The following HTRA3 variants were observed in gnomAD, a reference collection of about 807,000 sequenced individuals.
HTRA3 encodes the protein serine protease HTRA3.
In HTRA3, 41 loss-of-function variants were observed where a neutral mutation model predicts 43.2. That is an observed-to-expected ratio of 0.95 (90% CI 0.74 to 1.23). HTRA3 has a LOEUF of 1.23. Ranked by LOEUF, HTRA3 falls within the 50% of genes most tolerant of loss-of-function variation. The probability of loss-of-function intolerance (pLI) is 0.00; values close to 1 mark genes in which losing one functional copy is unlikely to be tolerated. For missense variants in HTRA3, 628 were observed against 647.1 expected (o/e 0.97, Z 0.32); for synonymous variants, 295 against 287.9 (o/e 1.02, Z -0.25).
In HTRA3 at chr4:8,276,706, G is replaced by A. The variant is rs114073205; in HGVS notation, c.386-5731G>A. On this transcript the variant is annotated intron_variant, in intron 1 of 8. Coordinates refer to ENST00000307358, the MANE Select transcript of HTRA3 (RefSeq NM_053044.5). ...GGGGCTGGCTGTGGCCCAGCTGGGT[G>A]TGGAGTTTCACAGCCAGAGGAGCCA... Among the ~76,000 whole-genome samples the A allele has an allele frequency of 9.1e-3, 1,393 of 152,358 alleles. 20 individuals are homozygous for A. The highest frequency in any genetic ancestry group is 0.032 in the African/African-American group (1,317 of 41,578).
chr4:8,282,138 C>A (rs1712772790), intron 1 of HTRA3, among the ~76,000 whole-genome samples: 1 of 152,232 alleles, frequency 6.6e-6, no homozygotes, highest in Non-Finnish European at 1.5e-5. Flanking sequence ...AATATCCTAA[C>A]CTCTCTCTGA....
At chr4:8,275,934 G>A (rs1374753641) in intron 1 of HTRA3, among the ~76,000 whole-genome samples, 1 of 152,240 alleles carries the variant, frequency 6.6e-6, no homozygotes, top group Non-Finnish European at 1.5e-5. Context: ...AGCTCGAAGT[G>A]TCTGCCTTGT....
intron 5 of HTRA3, among the ~76,000 whole-genome samples, chr4:8,293,878 A>T (rs528409601): frequency 6.6e-6 from 1 of 151,942 alleles, no homozygotes; most frequent in South Asian, 2.1e-4. Flanking sequence ...CTCTCCAGGG[A>T]TGGGGAAGGG....
At position 8,306,236 on chromosome 4, in the gene HTRA3, G is replaced by T; in HGVS notation, c.*100G>T. 2 of 1,289,032 alleles carry T rather than the reference G, an allele frequency of 1.6e-6. No homozygotes were observed. Among genetic ancestry groups the T allele is most frequent in the Non-Finnish European group, 2.1e-6 (2 of 961,644 alleles). 79.8% of individuals were successfully genotyped at this position (1,289,032 alleles called of 1,614,324 possible). On this transcript the variant is annotated 3_prime_UTR_variant, in exon 9 of 9. Coordinates refer to ENST00000307358, the MANE Select transcript of HTRA3 (RefSeq NM_053044.5). This position sits in a 1 kb window ranked among gnomAD's most constrained non-coding sequence, Gnocchi z 8.9. Reference sequence around the variant, plus strand: ...AAGGACCACCGTCGGTCCTCAGCAGGGCGGCAGCCTCCTCCTGGCTGTCCG... The same window carrying T: ...AAGGACCACCGTCGGTCCTCAGCAGTGCGGCAGCCTCCTCCTGGCTGTCCG...
chr4:8,279,782 C>G lies in HTRA3; in HGVS notation c.386-2655C>G, dbSNP rs1190792433. Reference sequence around the variant, plus strand: ...CATGTGCTGTGCCCCTGCCCGTGGGCTCTTCCAGGCCTGGGTCAGGGCACC... The same window carrying G: ...CATGTGCTGTGCCCCTGCCCGTGGGGTCTTCCAGGCCTGGGTCAGGGCACC... On this transcript the variant is annotated intron_variant, in intron 1 of 8. Coordinates refer to ENST00000307358, the MANE Select transcript of HTRA3 (RefSeq NM_053044.5). The surrounding 1 kb of genome is among the most constrained non-coding windows in gnomAD (Gnocchi z 7.4). 6.6e-6 allele frequency among the ~76,000 whole-genome samples: 1 copy of G among 152,186 alleles called. No individual in the cohort carries two copies. The highest frequency in any genetic ancestry group is 1.9e-4 in the East Asian group (1 of 5,194).
chr4:8,272,435 G>A lies in HTRA3; in HGVS notation c.385+2082G>A, dbSNP rs7655419. Among the ~76,000 whole-genome samples the A allele has an allele frequency of 5.3e-5, 8 of 152,130 alleles. No individual in the cohort carries two copies. In the East Asian group the frequency reaches 1.6e-3, roughly 30 times the overall value. On this transcript the variant is annotated intron_variant, in intron 1 of 8. Transcript: ENST00000307358. The stretch of plus-strand genomic sequence containing the variant: ...TCATGGGCTGAGGCCTCAGTGCTCC[G>A]GGGTCTGCAGTCCCAGCGCACCTCT...
Position 8,270,134 on chromosome 4 carries a change from G to A in HTRA3, c.166G>A (p.Ala56Thr), listed in dbSNP as rs780792419. The A allele has an allele frequency of 1.0e-5, 16 of 1,542,824 alleles. No homozygotes were observed. Among genetic ancestry groups the A allele is most frequent in the East Asian group, 2.6e-5 (1 of 38,278 alleles). ...CTGCAACTGCTGCCTGGTGTGCGCC[G>A]CCAGCGAGGGCGAGCCCTGTGGCGG... ...DLCNCCLVCA[A>T]SEGEPCGGPL... The change falls in exon 1 of 9, where the codon GCC (alanine) becomes ACC (threonine). Residue 56 changes from alanine (A) to threonine (T), a missense_variant. Physicochemically the swap from Ala to Thr is moderately conservative, Grantham distance 58. Transcript: ENST00000307358.
chr4:8,289,214 T>A (rs1713128606), intron 3 of HTRA3, among the ~76,000 whole-genome samples: 1 of 152,122 alleles, frequency 6.6e-6, no homozygotes, highest in Non-Finnish European at 1.5e-5. Context: ...CCTCCCAAAG[T>A]GTTGGGATTA....
chr4:8,273,640 G>A (rs1712393413), intron 1 of HTRA3, among the ~76,000 whole-genome samples: 1 of 151,672 alleles, frequency 6.6e-6, no homozygotes, highest in Admixed American at 6.6e-5. Flanking sequence ...ACGTGGAGAT[G>A]CCTGCTGAGC....
intron 8 of HTRA3, among the ~76,000 whole-genome samples, chr4:8,304,732 T>G (rs1011156444): frequency 2.5e-4 from 35 of 137,316 alleles, no homozygotes; most frequent in African/African-American, 8.7e-4. Context: ...CTCAGCTCAC[T>G]GCAACCTCTG....
At chr4:8,275,033 C>A (rs111621878) in intron 1 of HTRA3, among the ~76,000 whole-genome samples, 324 of 152,330 alleles carry the variant, frequency 2.1e-3, no homozygotes, top group Middle Eastern at 0.01. Flanking sequence ...TCCCCTCCTG[C>A]CCCGCCCACT....
chr4:8,285,332 G>A (rs1226933156), intron 2 of HTRA3, among the ~76,000 whole-genome samples: 1 of 152,212 alleles, frequency 6.6e-6, no homozygotes, highest in Non-Finnish European at 1.5e-5. Context: ...TGGCCTGCCT[G>A]CCTCAGAGGG....
At chr4:8,281,271 C>G (rs1712733020) in intron 1 of HTRA3, among the ~76,000 whole-genome samples, 1 of 152,216 alleles carries the variant, frequency 6.6e-6, no homozygotes, top group Non-Finnish European at 1.5e-5. Context: ...CCCTCGGTCC[C>G]CATGCCCGGC....
chr4:8,301,025 TTTA>T (rs1215517634), intron 6 of HTRA3, among the ~76,000 whole-genome samples: 23 of 140,624 alleles, frequency 1.6e-4, no homozygotes, highest in African/African-American at 5.5e-4. Flanking sequence ...CACACTCATC[TTTA>T]TTATTGATTC....
At position 8,306,070 on chromosome 4, in the gene HTRA3, C is replaced by A. The variant is rs1317365761; in HGVS notation, c.1296C>A (p.Leu432=). Residue 432 remains leucine, a synonymous_variant, in exon 9 of 9, where the codon CTC becomes CTA. Transcript: ENST00000307358. The surrounding 1 kb of genome is among the most constrained non-coding windows in gnomAD (Gnocchi z 8.9). ...AGGCCGTGCTGACCGAGTCTCCTCT[C>A]CTACTGGAGGTGCGGCGGGGGAACG... ...LQEAVLTESP[L]LLEVRRGNDD... is the part of the protein sequence containing the mutation. 6.2e-7 allele frequency: 1 copy of A among 1,611,670 alleles called. No individual in the cohort carries two copies. The highest frequency in any genetic ancestry group is 1.3e-5 in the African/African-American group (1 of 74,732).
At chr4:8,290,656 C>A (rs1397176665) in intron 3 of HTRA3, among the ~76,000 whole-genome samples, 1 of 152,206 alleles carries the variant, frequency 6.6e-6, no homozygotes, top group Non-Finnish European at 1.5e-5. Flanking sequence ...CTAACAAGCA[C>A]CCGGGATTAC....
At chr4:8,277,981 T>A (rs1244851996) in intron 1 of HTRA3, among the ~76,000 whole-genome samples, 1 of 152,222 alleles carries the variant, frequency 6.6e-6, no homozygotes, top group Admixed American at 6.5e-5. Context: ...CTAGAGGGAC[T>A]GATGCATACA....
intron 1 of HTRA3, among the ~76,000 whole-genome samples, chr4:8,270,996 G>C: frequency 6.6e-6 from 1 of 152,300 alleles, no homozygotes; most frequent in East Asian, 1.9e-4. Flanking sequence ...CTTTTTCCCT[G>C]TTTGGGGTGC....
At position 8,289,348 on chromosome 4, in the gene HTRA3, C is replaced by G. The variant is rs572858144; in HGVS notation, c.709-2022C>G. On this transcript the variant is annotated intron_variant, in intron 3 of 8. Transcript: ENST00000307358. ...ATCTCTGCTGTGGCAAAAATGCAGC[C>G]TTAGGCTGCACAGGTGGGTGTGGCT... 1.3e-3 allele frequency among the ~76,000 whole-genome samples: 201 copies of G among 152,336 alleles called. 2 individuals carry two copies. Among genetic ancestry groups the G allele is most frequent in the African/African-American group, 4.1e-3 (169 of 41,578 alleles).
Sources: allele counts gnomAD v4.1 joint callset (sites outside exome capture counted in the v4.1 genomes callset), GRCh38; gene constraint gnomAD v4.1.1; non-coding constraint Gnocchi (gnomAD v3.1); transcripts MANE v1.5; gene names NCBI Gene and HGNC (gene_info 2026-07-23, HGNC 2026-07-21).